F8: variants seen among roughly 807,000 people sequenced by gnomAD.
F8 encodes the protein coagulation factor VIII, also known as antihemophilic factor.
F8 carries 12 observed loss-of-function variants against 140.6 expected under a neutral mutation model. That is an observed-to-expected ratio of 0.09 (90% CI 0.05 to 0.14). The LOEUF is 0.14. Among genes scored for constraint, F8 ranks in the 10% least tolerant of loss-of-function variants. F8 has a pLI of 1.00. For synonymous variants in F8, 585 were observed against 614.6 expected (o/e 0.95, Z 0.71); for missense variants, 1,354 against 1,720.7 (o/e 0.79, Z 3.77).
chrX:154,941,133 T>C (rs1557279709), intron 13 of F8, among the ~76,000 whole-genome samples: 1 of 111,778 alleles, frequency 8.9e-6, no homozygotes, highest in East Asian at 2.8e-4. Flanking sequence ...CCAGCTAACA[T>C]CAAAATGACA....
chrX:154,843,008 T>C (rs918508592), intron 25 of F8, among the ~76,000 whole-genome samples: 7 of 111,541 alleles, frequency 6.3e-5, no homozygotes, highest in Non-Finnish European at 1.1e-4. Flanking sequence ...CAAGTGTTCT[T>C]ATTGTTCAAT....
intron 3 of F8, among the ~76,000 whole-genome samples, chrX:154,996,536 AC>A (rs1557285098): frequency 8.9e-6 from 1 of 111,922 alleles, no homozygotes; most frequent in Non-Finnish European, 1.9e-5. Context: ...CCATCTCTGG[AC>A]CAATCAACTG....
intron 3 of F8, 97 bp downstream of exon 3, chrX:154,996,876 G>A: frequency 2.2e-6 from 2 of 926,015 alleles, no homozygotes; most frequent in Non-Finnish European, 3.1e-6. Context: ...TGTTCAGTTA[G>A]GACCTTAAAA....
At chrX:154,997,661 A>C (rs2073624807) in intron 2 of F8, among the ~76,000 whole-genome samples, 1 of 112,235 alleles carries the variant, frequency 8.9e-6, no homozygotes, top group African/African-American at 3.2e-5. Context: ...GGTATAGTCA[A>C]GTAAAGTGTG....
chrX:154,914,847 T>G (rs1443130347), intron 14 of F8, among the ~76,000 whole-genome samples: 1 of 111,953 alleles, frequency 8.9e-6, no homozygotes, highest in Non-Finnish European at 1.9e-5. Flanking sequence ...TTCCATCCTC[T>G]GCCTGTTACA....
intron 5 of F8, among the ~76,000 whole-genome samples, chrX:154,986,601 T>C (rs1166901155): frequency 9.0e-6 from 1 of 111,430 alleles, no homozygotes; most frequent in Non-Finnish European, 1.9e-5. Flanking sequence ...AACTGAAGTA[T>C]TGTAGAGGCT....
intron 22 of F8, among the ~76,000 whole-genome samples, chrX:154,894,996 A>G (rs1185095419): frequency 4.5e-5 from 5 of 111,685 alleles, no homozygotes; most frequent in African/African-American, 9.8e-5. Flanking sequence ...TGAGCAAAAC[A>G]TAATGGTTAT....
chrX:154,984,620 C>A (rs2073547946), intron 6 of F8, 67 bp downstream of exon 6: 1 of 810,968 alleles, frequency 1.2e-6, no homozygotes, highest in African/African-American at 2.0e-5. Context: ...TGTTTGTGAA[C>A]TGAAGTACAG....
chrX:154,862,967 T>G, intron 23 of F8, 116 bp downstream of exon 23: 1 of 845,085 alleles, frequency 1.2e-6, no homozygotes, highest in Non-Finnish European at 1.8e-6. Context: ...GTTTTAGCAC[T>G]GACAATTTTG....
intron 1 of F8, among the ~76,000 whole-genome samples, chrX:155,017,100 G>T (rs1299410603): frequency 8.9e-6 from 1 of 112,749 alleles, no homozygotes; most frequent in Non-Finnish European, 1.9e-5. Flanking sequence ...AAAGGCCAGA[G>T]ATATGCACGG....
intron 14 of F8, among the ~76,000 whole-genome samples, chrX:154,928,271 C>T (rs1224343276): frequency 3.6e-5 from 4 of 112,060 alleles, no homozygotes; most frequent in African/African-American, 1.3e-4. Flanking sequence ...AAGTCCTTAA[C>T]CTCTTTAACA....
rs2124131404 is a variant in F8, at chrX:154,984,758, C to T, written c.716G>A (p.Arg239Lys). The part of the protein sequence containing the change: ...SETKNSLMQD[R>K]DAASARAWPK... Reference sequence around the variant, plus strand: ...CCAGGCCCGAGCAGATGCAGCATCCCTATCCTGCATCAAGGAGTTCTTTGT... The same window carrying T: ...CCAGGCCCGAGCAGATGCAGCATCCTTATCCTGCATCAAGGAGTTCTTTGT... Residue 239 changes from arginine (R) to lysine (K), a missense_variant, in exon 6 of 26, where the codon AGG becomes AAG. Arg to Lys is a conservative substitution (Grantham distance 26, BLOSUM62 2). Transcript: ENST00000360256. 8.3e-7 allele frequency: 1 copy of T among 1,209,347 alleles called. No individual in the cohort carries two copies. Among genetic ancestry groups the T allele is most frequent in the Admixed American group, 2.2e-5 (1 of 45,764 alleles).
At chrX:154,984,662 G>A (rs782474603) in intron 6 of F8, 25 bp downstream of exon 6, 1 of 1,099,786 alleles carries the variant, frequency 9.1e-7, no homozygotes, top group Non-Finnish European at 1.3e-6. Flanking sequence ...AGACCCTGAG[G>A]ATTGTTGAGC....
Position 154,930,795 on chromosome X carries a change from C to T in F8, c.2995G>A (p.Gly999Arg), listed in dbSNP as rs782157742. 2 of 1,209,271 alleles carry T rather than the reference C, an allele frequency of 1.7e-6. No individual in the cohort carries two copies. Among genetic ancestry groups the T allele is most frequent in the South Asian group, 1.8e-5 (1 of 56,791 alleles). The change falls in exon 14 of 26, where the codon GGA (glycine) becomes AGA (arginine). Residue 999 changes from glycine to arginine, a missense_variant. Gly to Arg is a moderately radical substitution (Grantham distance 125). Transcript: ENST00000360256. ...TTATCTTTAGTCAACAAAGCAGGTC[C>T]ATGAGCTCTTTTCCCTTTAAATAAC... ...GRLFKGKRAH[G>R]PALLTKDNAL...
At chrX:154,916,636 G>C (rs1380112549) in intron 14 of F8, among the ~76,000 whole-genome samples, 1 of 111,102 alleles carries the variant, frequency 9.0e-6, no homozygotes, top group Non-Finnish European at 1.9e-5. Flanking sequence ...TGTGTTATCA[G>C]TTTTAATGAC....
chrX:154,848,835 T>G (rs1388378078), intron 25 of F8, among the ~76,000 whole-genome samples: 1 of 111,434 alleles, frequency 9.0e-6, no homozygotes, highest in East Asian at 2.8e-4. Flanking sequence ...ATTAACCTGG[T>G]ACCTTAGTTG....
chrX:154,980,655 A>G (rs1330799701), intron 6 of F8, among the ~76,000 whole-genome samples: 2 of 111,889 alleles, frequency 1.8e-5, no homozygotes, highest in Non-Finnish European at 3.8e-5. Context: ...TATTTCAGTG[A>G]GCTCGTTTAG....
At chrX:155,020,470 T>G (rs2073754805) in intron 1 of F8, among the ~76,000 whole-genome samples, 1 of 112,304 alleles carries the variant, frequency 8.9e-6, no homozygotes, top group Admixed American at 9.4e-5. Flanking sequence ...GAAACATTTT[T>G]AACCAACCTT....
intron 1 of F8, among the ~76,000 whole-genome samples, chrX:155,012,987 G>A (rs2073714414): frequency 9.3e-6 from 1 of 108,017 alleles, no homozygotes; most frequent in South Asian, 4.1e-4. Context: ...TCTACTATCA[G>A]TATAAAAAAT....
Sources: allele counts gnomAD v4.1 joint callset (sites outside exome capture counted in the v4.1 genomes callset), GRCh38; gene constraint gnomAD v4.1.1; transcripts MANE v1.5; gene names NCBI Gene and HGNC (gene_info 2026-07-23, HGNC 2026-07-21).